ARHGEF26: variants seen among roughly 807,000 people sequenced by gnomAD.
The protein encoded by ARHGEF26 is Rho guanine nucleotide exchange factor (GEF) 26.
Under a neutral mutation model 89.4 loss-of-function variants are expected in ARHGEF26, and 59 were observed. The ratio of observed to expected loss-of-function variants is 0.66; its 90% CI spans 0.54 to 0.82. The LOEUF (loss-of-function observed/expected upper bound fraction) is 0.82. Among genes scored for constraint, ARHGEF26 ranks in the 40% least tolerant of loss-of-function variants. The pLI is 0.00. For missense variants in ARHGEF26, 1,234 were observed against 1,085.6 expected, an observed-to-expected ratio of 1.14 and a Z score of -1.92; for synonymous variants, 500 against 428.4, an observed-to-expected ratio of 1.17 and a Z score of -2.06.
intron 6 of ARHGEF26, among the ~76,000 whole-genome samples, chr3:154,179,997 C>T (rs963980638): frequency 2.6e-5 from 4 of 152,006 alleles, no homozygotes; most frequent in East Asian, 1.9e-4. Context: ...GGGGAGAATC[C>T]GTTTTCTTGC....
intron 11 of ARHGEF26, among the ~76,000 whole-genome samples, chr3:154,235,422 A>G (rs1298072303): frequency 6.6e-6 from 1 of 152,196 alleles, no homozygotes; most frequent in Non-Finnish European, 1.5e-5. Context: ...CATATATACA[A>G]AAGCCATTTT....
chr3:154,237,230 G>C (rs1008824619), intron 11 of ARHGEF26, among the ~76,000 whole-genome samples: 3 of 152,060 alleles, frequency 2.0e-5, no homozygotes, highest in Non-Finnish European at 2.9e-5. Context: ...CCAAAGACAA[G>C]AAATTAAAGC....
intron 4 of ARHGEF26, among the ~76,000 whole-genome samples, chr3:154,134,092 C>T (rs1198258069): frequency 6.6e-6 from 1 of 152,078 alleles, no homozygotes; most frequent in Non-Finnish European, 1.5e-5. Flanking sequence ...AGAAGCTTTC[C>T]GGCTGAGACT....
At chr3:154,160,505 A>G (rs560123518) in intron 6 of ARHGEF26, among the ~76,000 whole-genome samples, 1 of 152,284 alleles carries the variant, frequency 6.6e-6, no homozygotes, top group South Asian at 2.1e-4. Flanking sequence ...AGGTCAATAC[A>G]CAAGGAAAAA....
At chr3:154,220,232 C>T (rs1716041546) in intron 10 of ARHGEF26, among the ~76,000 whole-genome samples, 1 of 152,096 alleles carries the variant, frequency 6.6e-6, no homozygotes, top group Non-Finnish European at 1.5e-5. Flanking sequence ...AAGAATAGAG[C>T]AGATTTACTG....
chr3:154,123,103 C>G (rs1396268766), intron 2 of ARHGEF26, 28 bp downstream of exon 2: 12 of 1,609,884 alleles, frequency 7.5e-6, no homozygotes, highest in Non-Finnish European at 9.3e-6. Flanking sequence ...TGTGGCACGC[C>G]ATTCACTAAG....
rs1263423958 is a variant in ARHGEF26 at position 154,150,143 on chromosome 3, T to TC, written c.1326+698_1326+699insC. On this transcript the variant is annotated intron_variant, in intron 5 of 14. Coordinates refer to ENST00000465093, the MANE Select transcript of ARHGEF26 (RefSeq NM_015595.4). ...CAAAGGACCCAAGGATGTCCTTTTT[T>TC]TTTTTTTTGGTTGGCATAGAATAAA... Among the ~76,000 whole-genome samples the TC allele has an allele frequency of 2.6e-3, 370 of 143,348 alleles. 8 individuals carry two copies. The highest frequency in any genetic ancestry group is 0.011 in the Middle Eastern group (3 of 282). The allele number at this position is 143,348 out of a possible 152,430, so 94.0% of individuals were successfully genotyped here.
intron 4 of ARHGEF26, among the ~76,000 whole-genome samples, chr3:154,145,152 A>G (rs1009161439): frequency 6.6e-6 from 1 of 152,172 alleles, no homozygotes; most frequent in Non-Finnish European, 1.5e-5. Context: ...GGGTCTGGTT[A>G]CAGAGGACAC....
chr3:154,139,907 G>A lies in ARHGEF26; in HGVS notation c.1270-9482G>A, dbSNP rs76453079. Among the ~76,000 whole-genome samples the A allele has an allele frequency of 5.3e-3, 813 of 152,258 alleles. 5 individuals carry two copies. The highest frequency in any genetic ancestry group is 0.011 in the Admixed American group (164 of 15,296). On this transcript the variant is annotated intron_variant, in intron 4 of 14. Transcript: ENST00000465093. The stretch of plus-strand genomic sequence containing the variant: ...AGTCAGTGGACAACTTCTGTAGCAG[G>A]AAGTATTATTGACAGTAAAATAAAA...
At chr3:154,136,781 A>G (rs749006823) in intron 4 of ARHGEF26, among the ~76,000 whole-genome samples, 7 of 152,164 alleles carry the variant, frequency 4.6e-5, no homozygotes, top group Non-Finnish European at 7.4e-5. Flanking sequence ...TAATTTCTGT[A>G]GTTTTATAAT....
intron 6 of ARHGEF26, among the ~76,000 whole-genome samples, chr3:154,181,964 T>A (rs975168748): frequency 6.6e-5 from 10 of 152,114 alleles, no homozygotes; most frequent in African/African-American, 2.4e-4. Flanking sequence ...TGTTTATGTA[T>A]TCACTGATCA....
intron 9 of ARHGEF26, among the ~76,000 whole-genome samples, chr3:154,197,279 C>T (rs555805453): frequency 2.2e-4 from 34 of 152,158 alleles, no homozygotes; most frequent in Middle Eastern, 3.4e-3. Flanking sequence ...ATAGTCAGCT[C>T]AATAATTAAT....
At chr3:154,187,604 A>G in intron 6 of ARHGEF26, 81 bp from the exon 7 acceptor site, 1 of 1,254,936 alleles carries the variant, frequency 8.0e-7, no homozygotes, top group Non-Finnish European at 1.1e-6. Flanking sequence ...ACCCCGTGTA[A>G]TAACATTACA....
At chr3:154,159,904 C>T (rs1711558201) in intron 6 of ARHGEF26, among the ~76,000 whole-genome samples, 1 of 151,980 alleles carries the variant, frequency 6.6e-6, no homozygotes, top group African/African-American at 2.4e-5. Flanking sequence ...AGTTGTAGAA[C>T]CTGTTTAATT....
chr3:154,197,262 C>A (rs371160330), intron 9 of ARHGEF26, among the ~76,000 whole-genome samples: 3 of 152,048 alleles, frequency 2.0e-5, no homozygotes, highest in African/African-American at 4.8e-5. Context: ...AAACTGAAAT[C>A]GTTGATATAG....
At chr3:154,211,857 G>GTA (rs1216519977) in intron 9 of ARHGEF26, among the ~76,000 whole-genome samples, 1 of 78,288 alleles carries the variant, frequency 1.3e-5, no homozygotes, top group Non-Finnish European at 2.3e-5. Flanking sequence ...ATGTGTGTGT[G>GTA]TATATATATA....
chr3:154,256,507 A>G lies in ARHGEF26; in HGVS notation c.*1034A>G. 1.1e-6 allele frequency: 1 copy of G among 939,918 alleles called. No homozygotes were observed. Among genetic ancestry groups the G allele is most frequent in the Non-Finnish European group, 1.3e-6 (1 of 795,196 alleles). The allele number at this position is 939,918 out of a possible 1,614,324, so 58.2% of individuals were successfully genotyped here. On this transcript the variant is annotated 3_prime_UTR_variant, in exon 15 of 15. Transcript: ENST00000465093. ...CTCGGCCTCCCCAAGTGCTGGGATT[A>G]TAGGCATGAGCCACCGTGCCCAGCC...
At position 154,249,681 on chromosome 3, in the gene ARHGEF26, C is replaced by G. The variant is rs563067171; in HGVS notation, c.2301-3435C>G. The stretch of plus-strand genomic sequence containing the variant: ...TGCACCTCTCCAAGCTAGCCCAGGG[C>G]CTGTGCAAAGTGAATGTGGGTAGAG... On this transcript the variant is annotated intron_variant, in intron 12 of 14. Coordinates refer to ENST00000465093, the MANE Select transcript of ARHGEF26 (RefSeq NM_015595.4). Among the ~76,000 whole-genome samples the G allele has an allele frequency of 8.5e-5, 13 of 152,158 alleles. No homozygotes were observed. The East Asian group carries it at 1.7e-3, about 20-fold the overall frequency.
At chr3:154,225,174 G>A (rs1235023918) in intron 10 of ARHGEF26, among the ~76,000 whole-genome samples, 1 of 152,060 alleles carries the variant, frequency 6.6e-6, no homozygotes, top group Non-Finnish European at 1.5e-5. Context: ...TTTGGATACA[G>A]CCTTTTCTAT....
Sources: allele counts gnomAD v4.1 joint callset (sites outside exome capture counted in the v4.1 genomes callset), GRCh38; gene constraint gnomAD v4.1.1; transcripts MANE v1.5; gene names NCBI Gene and HGNC (gene_info 2026-07-23, HGNC 2026-07-21).